The following MYO18B variants were observed in gnomAD, a reference collection of about 807,000 sequenced individuals.
The protein encoded by MYO18B is myosin XVIIIB, also known as unconventional myosin-XVIIIb.
A neutral mutation model predicts 273.0 loss-of-function variants in MYO18B; 204 were observed. The ratio of observed to expected loss-of-function variants is 0.75; its 90% CI spans 0.67 to 0.84. The LOEUF is 0.84. Among genes scored for constraint, MYO18B ranks in the 40% least tolerant of loss-of-function variants. The probability of loss-of-function intolerance (pLI) is 0.00; values close to 1 mark genes in which losing one functional copy is unlikely to be tolerated. For missense variants in MYO18B, 3,212 were observed against 3,287.6 expected (o/e 0.98, Z 0.56); for synonymous variants, 1,330 against 1,305.7 (o/e 1.02, Z -0.40).
In MYO18B at chr22:26,027,462, G is replaced by A. The variant is rs770994100; in HGVS notation, c.7488G>A (p.Pro2496=). ...TCAAGACCATTTTGAAGAAGAGCCCGGAGCCCAAGGAGGATCCCGCTCACC... is the reference window on the plus strand; with the variant it reads ...TCAAGACCATTTTGAAGAAGAGCCCAGAGCCCAAGGAGGATCCCGCTCACC... ...SGIKTILKKS[P]EPKEDPAHLS... The change falls in exon 43 of 44, where the codon CCG becomes CCA. Residue 2496 remains proline, a synonymous_variant. Transcript: ENST00000335473. The surrounding 1 kb of genome is among the most constrained non-coding windows in gnomAD (Gnocchi z 4.1). The A allele has an allele frequency of 3.0e-5, 48 of 1,613,800 alleles. No individual in the cohort carries two copies. Among genetic ancestry groups the A allele is most frequent in the South Asian group, 2.2e-4 (20 of 91,074 alleles).
At chr22:25,785,391 C>G in intron 10 of MYO18B, 37 bp from the exon 11 acceptor site, 1 of 1,580,764 alleles carries the variant, frequency 6.3e-7, no homozygotes, top group Non-Finnish European at 8.6e-7. Context: ...CTGGTGTGGA[C>G]AGCCCCCCTG....
intron 34 of MYO18B, among the ~76,000 whole-genome samples, chr22:25,932,965 A>G (rs2187938): frequency 0.074 from 11,252 of 152,014 alleles, 659 homozygotes; most frequent in East Asian, 0.26. Context: ...GTCTTTTTAA[A>G]TTTTGCCAAT....
intron 22 of MYO18B, among the ~76,000 whole-genome samples, chr22:25,873,190 T>C (rs987871813): frequency 6.6e-6 from 1 of 152,220 alleles, no homozygotes; most frequent in Admixed American, 6.5e-5. Flanking sequence ...CCCTCATTCC[T>C]GTTCCCTGCA....
At chr22:25,891,223 C>A in intron 26 of MYO18B, 81 bp from the exon 27 acceptor site, 1 of 1,086,384 alleles carries the variant, frequency 9.2e-7, no homozygotes, top group Non-Finnish European at 1.4e-6. Context: ...CAATCCGAGC[C>A]TTGGAAGCAC....
chr22:26,045,221 G>A, the MYO18B span, among the ~76,000 whole-genome samples: 1 of 151,946 alleles, frequency 6.6e-6, no homozygotes, highest in African/African-American at 2.4e-5. Flanking sequence ...CTGGTTCATG[G>A]GAGTCACCTG....
chr22:25,875,511 C>CG (rs376035135), intron 23 of MYO18B, among the ~76,000 whole-genome samples: 34 of 151,902 alleles, frequency 2.2e-4, no homozygotes, highest in Non-Finnish European at 3.4e-4. Context: ...CTGGTCCCCC[C>CG]CCCAGTGATA....
At chr22:25,869,359 A>G (rs1183308142) in intron 22 of MYO18B, among the ~76,000 whole-genome samples, 1 of 147,812 alleles carries the variant, frequency 6.8e-6, no homozygotes, top group Non-Finnish European at 1.5e-5. Flanking sequence ...CCGAGGCAGG[A>G]GAATCGCTTG....
At chr22:25,885,906 G>C (rs992946753) in intron 25 of MYO18B, among the ~76,000 whole-genome samples, 1 of 152,144 alleles carries the variant, frequency 6.6e-6, no homozygotes, top group African/African-American at 2.4e-5. Context: ...CTTTCTCCTG[G>C]CATTCTTACA....
chr22:25,763,063 C>A (rs778626600), intron 2 of MYO18B, 168 bp from the exon 3 acceptor site: 17 of 802,644 alleles, frequency 2.1e-5, no homozygotes, highest in Admixed American at 1.2e-4. Flanking sequence ...TCAGGGACCC[C>A]CCTGAGTCGT....
At chr22:25,934,700 A>G (rs1469215131) in intron 34 of MYO18B, among the ~76,000 whole-genome samples, 6 of 152,160 alleles carry the variant, frequency 3.9e-5, no homozygotes, top group Non-Finnish European at 7.4e-5. Flanking sequence ...GGTCACAGGT[A>G]GGTGAGAGAA....
chr22:25,759,885 TG>T (rs1279627443), intron 1 of MYO18B, among the ~76,000 whole-genome samples: 4 of 152,214 alleles, frequency 2.6e-5, no homozygotes, highest in Non-Finnish European at 5.9e-5. Flanking sequence ...ACAGTCAACA[TG>T]GTGATGAAAT....
chr22:25,933,963 A>G (rs2092544749), intron 34 of MYO18B, among the ~76,000 whole-genome samples: 1 of 152,242 alleles, frequency 6.6e-6, no homozygotes. Context: ...ACAGAACATG[A>G]AAGTCCTACT....
chr22:25,910,008 A>G (rs1569180403), intron 32 of MYO18B, among the ~76,000 whole-genome samples: 1 of 152,168 alleles, frequency 6.6e-6, no homozygotes, highest in Non-Finnish European at 1.5e-5. Context: ...TAATATATAC[A>G]AGAGAGGCTG....
chr22:25,873,552 T>A (rs939271593), intron 22 of MYO18B, among the ~76,000 whole-genome samples: 1 of 152,232 alleles, frequency 6.6e-6, no homozygotes, highest in African/African-American at 2.4e-5. Flanking sequence ...GCGATTCTCC[T>A]GCCTCAGCCT....
intron 37 of MYO18B, 80 bp downstream of exon 37, chr22:25,950,530 G>GTGTGTGTGTGTGTGTGTT: frequency 1.5e-6 from 1 of 660,250 alleles, no homozygotes; most frequent in Non-Finnish European, 2.5e-6. Flanking sequence ...GTGTGTGTGT[G>GTGTGTGTGTGTGTGTGTT]TGTGTGTGTG....
At chr22:25,916,957 A>G (rs2092270233) in intron 33 of MYO18B, among the ~76,000 whole-genome samples, 1 of 152,162 alleles carries the variant, frequency 6.6e-6, no homozygotes, top group African/African-American at 2.4e-5. Context: ...ACTAGAACCC[A>G]GGAGGCAGAG....
intron 13 of MYO18B, among the ~76,000 whole-genome samples, chr22:25,824,037 A>G (rs2089393026): frequency 6.6e-6 from 1 of 152,012 alleles, no homozygotes; most frequent in Non-Finnish European, 1.5e-5. Flanking sequence ...AGGGATGGAA[A>G]TCCCGAGTGG....
the MYO18B span, among the ~76,000 whole-genome samples, chr22:26,047,418 G>C: frequency 1.3e-5 from 2 of 152,036 alleles, no homozygotes. Flanking sequence ...GAGCCACCGC[G>C]CCCAGCCAGT....
intron 31 of MYO18B, among the ~76,000 whole-genome samples, chr22:25,904,525 A>T (rs568556640): frequency 6.6e-6 from 1 of 152,202 alleles, no homozygotes; most frequent in Non-Finnish European, 1.5e-5. Context: ...AATGTCTGCT[A>T]TGTGCTAGGC....
Sources: gnomAD v4.1 joint callset for allele counts (sites outside exome capture counted in the v4.1 genomes callset) on GRCh38, gnomAD v4.1.1 for gene constraint, Gnocchi (gnomAD v3.1) non-coding constraint, MANE v1.5 for transcripts, NCBI Gene and HGNC (gene_info 2026-07-23, HGNC 2026-07-21) for gene names.